The following ACSL5 variants were observed in gnomAD, a reference collection of about 807,000 sequenced individuals.
ACSL5 encodes the protein acyl-CoA synthetase long chain family member 5, also known as long-chain-fatty-acid--CoA ligase 5.
A neutral mutation model predicts 84.9 loss-of-function variants in ACSL5; 50 were observed. The ratio of observed to expected loss-of-function variants is 0.59; its 90% confidence interval spans 0.47 to 0.75. The LOEUF is 0.75. Among genes scored for constraint, ACSL5 ranks in the 30% least tolerant of loss-of-function variants. The pLI is 0.00. For synonymous variants in ACSL5, 280 were observed against 300.7 expected, an observed-to-expected ratio of 0.93 and a Z score of 0.71; for missense variants, 775 against 830.4, an observed-to-expected ratio of 0.93 and a Z score of 0.82.
chr10:112,397,461 C>T (rs1407122832), intron 2 of ACSL5, among the ~76,000 whole-genome samples: 4 of 152,120 alleles, frequency 2.6e-5, no homozygotes, highest in Non-Finnish European at 4.4e-5. Flanking sequence ...TGAGCCACAG[C>T]GCCCAGCCAG....
At chr10:112,394,647 G>T (rs1843706228) in intron 1 of ACSL5, 2 of 794,820 alleles carry the variant, frequency 2.5e-6, no homozygotes, top group Non-Finnish European at 3.0e-6. Context: ...TTTGGGAAAT[G>T]ATTAACTTGT....
intron 20 of ACSL5, 134 bp from the exon 21 acceptor site, chr10:112,427,084 G>A: frequency 1.0e-6 from 1 of 974,092 alleles, no homozygotes. Flanking sequence ...TATGTTTGTG[G>A]GAATGGGCAT....
At chr10:112,394,170 T>C (rs909986397) in intron 1 of ACSL5, among the ~76,000 whole-genome samples, 2 of 152,222 alleles carry the variant, frequency 1.3e-5, no homozygotes, top group Non-Finnish European at 2.9e-5. Context: ...TTGTTACTTT[T>C]AGTTTCTTGA....
chr10:112,401,776 TTCTTTCTTTC>T (rs1474134079), intron 3 of ACSL5, among the ~76,000 whole-genome samples: 28 of 137,666 alleles, frequency 2.0e-4, no homozygotes, highest in African/African-American at 7.8e-4. Flanking sequence ...TTCTTTCTTT[TTCTTTCTTTC>T]TCTTTCTTTC....
Position 112,422,399 on chromosome 10 carries a change from T to C in ACSL5, c.1551T>C (p.Ser517=). ...AGAAGACACAGGAAGCCCTGGACAGTGATGGCTGGCTTCACACAGGAGACA... is the reference window on the plus strand; with the variant it reads ...AGAAGACACAGGAAGCCCTGGACAGCGATGGCTGGCTTCACACAGGAGACA... The part of the protein sequence containing the change: ...DPEKTQEALD[S]DGWLHTGDIG... The change falls in exon 17 of 21, where the codon AGT becomes AGC. Residue 517 remains serine (S), a synonymous_variant. Transcript: ENST00000354655. The C allele has an allele frequency of 6.2e-7, 1 of 1,614,162 alleles. No individual in the cohort carries two copies. The highest frequency in any genetic ancestry group is 8.5e-7 in the Non-Finnish European group (1 of 1,180,018).
At chr10:112,380,589 T>C (rs1474186176) in intron 1 of ACSL5, among the ~76,000 whole-genome samples, 1 of 152,062 alleles carries the variant, frequency 6.6e-6, no homozygotes, top group Non-Finnish European at 1.5e-5. Flanking sequence ...CCATTCCCCT[T>C]CTCCACTTCC....
Position 112,422,016 on chromosome 10 carries a change from C to T in ACSL5, c.1457C>T (p.Thr486Ile), listed in dbSNP as rs1215225135. 6.2e-7 allele frequency: 1 copy of T among 1,614,206 alleles called. No homozygotes were observed. ...LEDVADMNYF[T>I]VNNEGEVCIK... ...GATGTGGCTGACATGAACTACTTTA[C>T]AGTGAATAATGAAGGAGAGGTGGGT... is the stretch of plus-strand genomic sequence containing the variant. Residue 486 changes from threonine (T) to isoleucine (I), a missense_variant, in exon 16 of 21, where the codon ACA becomes ATA. Physicochemically the swap from Thr to Ile is moderately conservative, Grantham distance 89. Transcript: ENST00000354655.
rs11812261 is a variant in ACSL5, at chr10:112,416,935, G to C, written c.1131G>C (p.Leu377=). ...KTPLKKFLLK[L]AVSSKFKELQ... ...CCTTGAAGAAGTTCTTGTTGAAGCT[G>C]GCTGTTTCCAGTAAATTCAAAGAGC... Residue 377 remains leucine, a synonymous_variant, in exon 13 of 21, where the codon CTG becomes CTC. Coordinates refer to ENST00000354655, the MANE Select transcript of ACSL5 (RefSeq NM_203379.2). The C allele has an allele frequency of 3.1e-6, 5 of 1,613,944 alleles. No homozygotes were observed. The African/African-American group carries it at 4.0e-5, about 13-fold the overall frequency.
intron 1 of ACSL5, among the ~76,000 whole-genome samples, chr10:112,388,141 T>C (rs1849490838): frequency 2.0e-5 from 3 of 152,144 alleles, no homozygotes; most frequent in Non-Finnish European, 4.4e-5. Flanking sequence ...GGTTTCGCCA[T>C]GTTGGCCAGG....
intron 3 of ACSL5, among the ~76,000 whole-genome samples, chr10:112,401,780 T>TTC (rs1843896748): frequency 7.4e-6 from 1 of 135,342 alleles, no homozygotes; most frequent in Non-Finnish European, 1.6e-5. Context: ...TTCTTTTTCT[T>TTC]TCTTTCTCTT....
intron 1 of ACSL5, among the ~76,000 whole-genome samples, chr10:112,381,838 G>A (rs1406244196): frequency 4.6e-5 from 7 of 151,646 alleles, no homozygotes; most frequent in Non-Finnish European, 8.8e-5. Flanking sequence ...GTGGTGGCAC[G>A]TGCCTGTAGT....
intron 1 of ACSL5, among the ~76,000 whole-genome samples, chr10:112,385,994 G>A (rs2133573286): frequency 6.6e-6 from 1 of 152,108 alleles, no homozygotes; most frequent in East Asian, 1.9e-4. Flanking sequence ...TAAGAGAGTA[G>A]ACAGCTTAAT....
At position 112,425,448 on chromosome 10, in the gene ACSL5, G is replaced by A; in HGVS notation, c.1704G>A (p.Val568=). ...IENIYNRSQP[V]LQIFVHGESL... is the part of the protein sequence containing the mutation. ...ATATCTACAACAGGAGTCAACCAGT[G>A]TTACAAATTTTTGTACACGGGGAGA... is the stretch of plus-strand genomic sequence containing the variant. The change falls in exon 18 of 21, where the codon GTG becomes GTA. Residue 568 remains valine (V), a synonymous_variant. Transcript: ENST00000354655. 1.9e-6 allele frequency: 3 copies of A among 1,612,916 alleles called. No homozygotes were observed. The highest frequency in any genetic ancestry group is 2.5e-6 in the Non-Finnish European group (3 of 1,179,544).
At chr10:112,420,175 C>T (rs1369089297) in intron 14 of ACSL5, among the ~76,000 whole-genome samples, 1 of 152,124 alleles carries the variant, frequency 6.6e-6, no homozygotes, top group Non-Finnish European at 1.5e-5. Flanking sequence ...TCAGCAGGTC[C>T]TGTTGCTAAC....
chr10:112,384,505 T>C (rs1022186802), intron 1 of ACSL5, among the ~76,000 whole-genome samples: 9 of 152,118 alleles, frequency 5.9e-5, no homozygotes, highest in Non-Finnish European at 1.3e-4. Context: ...TTGTTTTGTT[T>C]TGTTTTGTTG....
rs749942370 is a variant in ACSL5, at chr10:112,420,969, G to T, written c.1315-624G>T. Among the ~76,000 whole-genome samples, 3 of 152,112 alleles carry T rather than the reference G, an allele frequency of 2.0e-5. No individual in the cohort carries two copies. In the South Asian group the frequency reaches 6.2e-4, roughly 32 times the overall value. On this transcript the variant is annotated intron_variant, in intron 14 of 20. Coordinates refer to ENST00000354655, the MANE Select transcript of ACSL5 (RefSeq NM_203379.2). ...ACTCATGACCTCAGGTGATCCTCCCGCCTTGGCTTCCCAAAGTGCTGGGAT... is the reference window on the plus strand; with the variant it reads ...ACTCATGACCTCAGGTGATCCTCCCTCCTTGGCTTCCCAAAGTGCTGGGAT...
chr10:112,427,546 G>T lies in ACSL5; in HGVS notation c.*188G>T. On this transcript the variant is annotated 3_prime_UTR_variant, in exon 21 of 21. Coordinates refer to ENST00000354655, the MANE Select transcript of ACSL5 (RefSeq NM_203379.2). Reference sequence around the variant, plus strand: ...CTTAGTTCCCAAATAAATCAATCCTGTCTTTCCCATCTTCGATGTTGCTAA... The same window carrying T: ...CTTAGTTCCCAAATAAATCAATCCTTTCTTTCCCATCTTCGATGTTGCTAA... 1 of 464,654 alleles carries T rather than the reference G, an allele frequency of 2.2e-6. No homozygotes were observed. Among genetic ancestry groups the T allele is most frequent in the Non-Finnish European group, 3.6e-6 (1 of 277,602 alleles). The allele number at this position is 464,654 out of a possible 1,614,324, so 28.8% of individuals were successfully genotyped here.
rs879295674 is a variant in ACSL5, at chr10:112,427,452, AT to A, written c.*103del. 2,494 of 1,214,932 alleles carry A rather than the reference AT, an allele frequency of 2.1e-3. No individual in the cohort carries two copies. The highest frequency in any genetic ancestry group is 2.3e-3 in the South Asian group (125 of 53,458). 75.3% of individuals were successfully genotyped at this position (1,214,932 alleles called of 1,614,324 possible). A position where few individuals can be genotyped will look rare whatever the true frequency, so the allele number is the denominator to read the frequency against. ...TTACATTTGTTTTGCCTTTCCTCCT[AT>A]TTTTTTTTAACCTGTTAAACTCTAA... is the stretch of plus-strand genomic sequence containing the variant. On this transcript the variant is annotated 3_prime_UTR_variant, in exon 21 of 21. Coordinates refer to ENST00000354655, the MANE Select transcript of ACSL5 (RefSeq NM_203379.2).
intron 20 of ACSL5, 29 bp downstream of exon 20, chr10:112,426,888 C>T: frequency 1.3e-6 from 2 of 1,533,838 alleles, no homozygotes; most frequent in Admixed American, 1.7e-5. Context: ...GTTATACTGG[C>T]CTCTTGTCAG....
Sources: gnomAD v4.1 joint callset for allele counts (sites outside exome capture counted in the v4.1 genomes callset) on GRCh38, gnomAD v4.1.1 for gene constraint, MANE v1.5 for transcripts, NCBI Gene and HGNC (gene_info 2026-07-23, HGNC 2026-07-21) for gene names.